The following GRIP1 variants were observed in gnomAD, a reference collection of about 807,000 sequenced individuals.
The protein encoded by GRIP1 is glutamate receptor-interacting protein 1.
In GRIP1, 45 loss-of-function variants were observed where a neutral mutation model predicts 129.9. The ratio of observed to expected loss-of-function variants is 0.35; its 90% confidence interval spans 0.27 to 0.44. The LOEUF (loss-of-function observed/expected upper bound fraction) is 0.44. Ranked by LOEUF, GRIP1 falls within the 20% of genes least tolerant of loss-of-function variation. GRIP1 has a pLI of 1.00. For synonymous variants in GRIP1, 530 were observed against 520.8 expected (o/e 1.02, Z -0.24); for missense variants, 1,196 against 1,396.8 (o/e 0.86, Z 2.29).
rs117820310 is a variant in GRIP1 at position 66,977,472 on chromosome 12, G to A, written c.58+91578C>T. 5.7e-3 allele frequency among the ~76,000 whole-genome samples: 870 copies of A among 152,156 alleles called. 3 individuals are homozygous for A. Among genetic ancestry groups the A allele is most frequent in the Non-Finnish European group, 0.01 (683 of 67,996 alleles). On this transcript the variant is annotated intron_variant, in intron 1 of 1. Transcript: ENST00000643019. ...CAAATGATTAGGTGAAGAGTATGAT[G>A]AACACAAAATGAACACACTCAAGTT...
intron 1 of GRIP1, among the ~76,000 whole-genome samples, chr12:67,039,244 C>T (rs1302788706): frequency 1.3e-5 from 2 of 152,138 alleles, no homozygotes; most frequent in Non-Finnish European, 2.9e-5. Context: ...AATTCAATTA[C>T]TACTTAAATA....
intron 2 of GRIP1, among the ~76,000 whole-genome samples, chr12:66,592,813 C>A (rs2063896012): frequency 1.3e-5 from 2 of 152,146 alleles, no homozygotes; most frequent in Non-Finnish European, 2.9e-5. Flanking sequence ...CTTGGACAAA[C>A]CCTTCAAGTG....
At chr12:66,747,380 C>A (rs1454192708) in intron 1 of GRIP1, among the ~76,000 whole-genome samples, 1 of 152,194 alleles carries the variant, frequency 6.6e-6, no homozygotes, top group Non-Finnish European at 1.5e-5. Context: ...AAAAGAATAT[C>A]TTTCAGCAGA....
intron 1 of GRIP1, among the ~76,000 whole-genome samples, chr12:66,751,055 TAA>T (rs142415603): frequency 0.018 from 2,815 of 152,238 alleles, 86 homozygotes; most frequent in African/African-American, 0.064. Context: ...AACATTCATT[TAA>T]AAAAATTTTT....
intron 19 of GRIP1, among the ~76,000 whole-genome samples, chr12:66,391,044 C>A (rs1490770857): frequency 6.6e-6 from 1 of 152,040 alleles, no homozygotes; most frequent in Non-Finnish European, 1.5e-5. Context: ...TTTCTCCCTT[C>A]CATTTTTGTT....
chr12:66,939,338 C>A (rs775603783), intron 1 of GRIP1, among the ~76,000 whole-genome samples: 2 of 146,018 alleles, frequency 1.4e-5, no homozygotes, highest in African/African-American at 2.4e-5. Flanking sequence ...CAGAGCAAGA[C>A]CCTGTCTCAA....
At chr12:66,766,575 G>T (rs2037646325) in intron 1 of GRIP1, among the ~76,000 whole-genome samples, 1 of 152,266 alleles carries the variant, frequency 6.6e-6, no homozygotes, top group South Asian at 2.1e-4. Context: ...GGCCTACATG[G>T]TCACCCATTC....
chr12:66,416,967 G>GAAAAGAAAAGA (rs1555180756), intron 15 of GRIP1, among the ~76,000 whole-genome samples: 2 of 150,854 alleles, frequency 1.3e-5, no homozygotes, highest in African/African-American at 4.9e-5. Context: ...ACAAAGAAAA[G>GAAAAGAAAAGA]AAAAGAAAAA....
At chr12:67,067,868 T>C (rs1382391213) in intron 1 of GRIP1, among the ~76,000 whole-genome samples, 1 of 152,172 alleles carries the variant, frequency 6.6e-6, no homozygotes, top group African/African-American at 2.4e-5. Context: ...CCTCTGGCTT[T>C]CCTCGCCCAC....
chr12:66,973,305 T>G (rs763320273), intron 1 of GRIP1, among the ~76,000 whole-genome samples: 3 of 151,570 alleles, frequency 2.0e-5, no homozygotes, highest in Non-Finnish European at 4.4e-5. Flanking sequence ...GGGTTTGGGG[T>G]AGGTTTTTTT....
intron 1 of GRIP1, among the ~76,000 whole-genome samples, chr12:66,597,995 T>C (rs1684057507): frequency 6.6e-6 from 1 of 152,176 alleles, no homozygotes; most frequent in Non-Finnish European, 1.5e-5. Flanking sequence ...AGCTAGATAA[T>C]CTAAATGTCA....
intron 1 of GRIP1, among the ~76,000 whole-genome samples, chr12:66,823,718 C>T (rs552402581): frequency 7.5e-5 from 11 of 146,986 alleles, no homozygotes; most frequent in Non-Finnish European, 1.5e-4. Context: ...AAATGATTTC[C>T]CAGGCCTGAG....
chr12:67,019,144 C>T (rs1438798164), intron 1 of GRIP1, among the ~76,000 whole-genome samples: 1 of 152,046 alleles, frequency 6.6e-6, no homozygotes, highest in Non-Finnish European at 1.5e-5. Context: ...AAATGACTGC[C>T]AAAACGATCA....
intron 15 of GRIP1, among the ~76,000 whole-genome samples, chr12:66,409,757 A>G (rs893485054): frequency 6.6e-6 from 1 of 152,252 alleles, no homozygotes; most frequent in African/African-American, 2.4e-5. Flanking sequence ...AGAGAATTCT[A>G]AATTACTGTT....
chr12:66,494,893 CAAAG>C (rs2060194521), intron 7 of GRIP1, among the ~76,000 whole-genome samples: 3 of 151,644 alleles, frequency 2.0e-5, no homozygotes, highest in Non-Finnish European at 4.4e-5. Context: ...ATCTCAGAAA[CAAAG>C]AAAGCAAAAA....
At chr12:66,696,002 G>A (rs2035143591) in intron 1 of GRIP1, among the ~76,000 whole-genome samples, 1 of 152,092 alleles carries the variant, frequency 6.6e-6, no homozygotes, top group Non-Finnish European at 1.5e-5. Context: ...TGGTAGCATG[G>A]GGCAAATGGG....
At chr12:66,617,751 C>T (rs1340988794) in intron 1 of GRIP1, among the ~76,000 whole-genome samples, 1 of 148,616 alleles carries the variant, frequency 6.7e-6, no homozygotes, top group African/African-American at 2.5e-5. Context: ...AAAAGAAATA[C>T]TACTGGCTCA....
At chr12:66,678,759 G>T (rs968159723) in intron 1 of GRIP1, 91 bp downstream of exon 1, 10 of 1,169,572 alleles carry the variant, frequency 8.6e-6, no homozygotes. Context: ...AAATTGCAAA[G>T]GCAGTCATAT....
chr12:67,055,003 A>G (rs551317314), intron 1 of GRIP1, among the ~76,000 whole-genome samples: 1 of 152,342 alleles, frequency 6.6e-6, no homozygotes, highest in South Asian at 2.1e-4. Context: ...TTACCAATGT[A>G]GAGGTTATTG....
Sources: gnomAD v4.1 joint callset for allele counts (sites outside exome capture counted in the v4.1 genomes callset) on GRCh38, gnomAD v4.1.1 for gene constraint, MANE v1.5 for transcripts, NCBI Gene and HGNC (gene_info 2026-07-23, HGNC 2026-07-21) for gene names.